Variants in SPON2 observed in about 807,000 individuals in gnomAD.
SPON2 encodes the protein spondin-2.
In SPON2, 32 loss-of-function variants were observed where a neutral mutation model predicts 29.9. That is an observed-to-expected ratio of 1.07 (90% confidence interval 0.81 to 1.44). SPON2 has a LOEUF of 1.44. Ranked by LOEUF, SPON2 falls within the 40% of genes most tolerant of loss-of-function variation. The pLI is 0.00. For synonymous variants in SPON2, 248 were observed against 209.1 expected, an observed-to-expected ratio of 1.19 and a Z score of -1.61; for missense variants, 541 against 455.5, an observed-to-expected ratio of 1.19 and a Z score of -1.71.
At position 1,202,067 on chromosome 4, in the gene SPON2, C is replaced by T. The variant is rs1463335553; in HGVS notation, c.-234+5813G>A. Among the ~76,000 whole-genome samples, 3 of 152,240 alleles carry T rather than the reference C, an allele frequency of 2.0e-5. No individual in the cohort carries two copies. The highest frequency in any genetic ancestry group is 2.0e-4 in the Admixed American group (3 of 15,290). Reference sequence around the variant, plus strand: ...TCTCACTCCGGAACACGTTCATCATCCGCAGAAGACGTCCTGTGCCTGTTA... The same window carrying T: ...TCTCACTCCGGAACACGTTCATCATTCGCAGAAGACGTCCTGTGCCTGTTA... On this transcript the variant is annotated intron_variant, in intron 1 of 3. Coordinates refer to the SPON2 transcript ENST00000509233. This position sits in a 1 kb window ranked among gnomAD's most constrained non-coding sequence, Gnocchi z 5.4.
chr4:1,188,952 C>T (rs2127909), intron 1 of SPON2, among the ~76,000 whole-genome samples: 145,776 of 152,256 alleles, frequency 0.96, 70,102 homozygotes, highest in East Asian at 1. Context: ...TAAATCTCAA[C>T]AAATTTAAAA....
chr4:1,167,841 G>A (rs1340655727), intron 5 of SPON2, 185 bp from the exon 6 acceptor site: 8 of 559,296 alleles, frequency 1.4e-5, no homozygotes, highest in Non-Finnish European at 2.1e-5. Flanking sequence ...AGCAACCTCG[G>A]ACACAACCTA....
At chr4:1,170,944 C>T (rs1420126999) in intron 4 of SPON2, 55 bp downstream of exon 4, 3 of 1,542,944 alleles carry the variant, frequency 1.9e-6, no homozygotes, top group Admixed American at 4.0e-5. Flanking sequence ...GGCCCCAGCC[C>T]CGTCCCCACC....
upstream of SPON2, among the ~76,000 whole-genome samples, chr4:1,175,479 G>A (rs1053745396): frequency 6.6e-6 from 1 of 152,196 alleles, no homozygotes; most frequent in Non-Finnish European, 1.5e-5. Flanking sequence ...CCCAGGCTGG[G>A]GGGTCTCCAG....
intron 4 of SPON2, 90 bp from the exon 5 acceptor site, chr4:1,170,666 C>T: frequency 7.1e-7 from 1 of 1,415,584 alleles, no homozygotes; most frequent in Non-Finnish European, 9.8e-7. Context: ...TGCCCAGCGT[C>T]CAGCGTGCCC....
At chr4:1,195,567 G>T (rs2108674506), upstream of SPON2, among the ~76,000 whole-genome samples, 1 of 152,216 alleles carries the variant, frequency 6.6e-6, no homozygotes, top group Non-Finnish European at 1.5e-5. Flanking sequence ...GGTAGGCACT[G>T]CCGCAGCCCC....
At chr4:1,200,775 A>C (rs1576999676) in intron 1 of SPON2, 1 of 455,518 alleles carries the variant, frequency 2.2e-6, no homozygotes, top group African/African-American at 2.0e-5. Context: ...GCAGCCCCCC[A>C]CCCCTCTGGT....
rs558903338 is a variant in SPON2, at chr4:1,202,719, G to A, written c.-234+5161C>T. Among the ~76,000 whole-genome samples the A allele has an allele frequency of 2.6e-5, 4 of 152,264 alleles. No homozygotes were observed. Among genetic ancestry groups the A allele is most frequent in the East Asian group, 1.9e-4 (1 of 5,172 alleles). ...TGGGCATAGCCTCGGTGGGGACTCC[G>A]AGGCAGCTCCAACCCCACGATGAGC... On this transcript the variant is annotated intron_variant, in intron 1 of 3. Coordinates refer to the SPON2 transcript ENST00000509233. This position sits in a 1 kb window ranked among gnomAD's most constrained non-coding sequence, Gnocchi z 5.4.
chr4:1,168,973 C>T (rs968041653), intron 5 of SPON2, among the ~76,000 whole-genome samples: 6 of 152,180 alleles, frequency 3.9e-5, no homozygotes, highest in Admixed American at 3.3e-4. Flanking sequence ...GTCTGTGCTC[C>T]GTCCCCACTG....
chr4:1,192,449 C>T lies in SPON2; in HGVS notation c.-239+2541G>A, dbSNP rs186139655. 8.5e-5 allele frequency among the ~76,000 whole-genome samples: 13 copies of T among 152,318 alleles called. No homozygotes were observed. In the East Asian group the frequency reaches 2.1e-3, roughly 25 times the overall value. On this transcript the variant is annotated intron_variant, in intron 1 of 3. Coordinates refer to the SPON2 transcript ENST00000502483. The stretch of plus-strand genomic sequence containing the variant: ...GTTTCCTACTCTCAATCTCTTGACA[C>T]GATGGTAAAGCCCTTTGCTGTAGCT...
rs1330532985 is a variant in SPON2, at chr4:1,171,934, G to A, written c.138C>T (p.Thr46=). The A allele has an allele frequency of 1.2e-6, 2 of 1,612,794 alleles. No homozygotes were observed. Among genetic ancestry groups the A allele is most frequent in the East Asian group, 4.5e-5 (2 of 44,878 alleles). ...SARALAKYSI[T]FTGKWSQTAF... ...CCGTCTGGCTCCACTTGCCCGTGAA[G>A]GTGATGCTGTATTTGGCCAGGGCTC... Residue 46 remains threonine, a synonymous_variant, in exon 2 of 6, where the codon ACC becomes ACT. Transcript: ENST00000290902.
intron 1 of SPON2, among the ~76,000 whole-genome samples, chr4:1,181,628 T>C (rs1727702425): frequency 1.3e-5 from 2 of 152,198 alleles, no homozygotes; most frequent in South Asian, 4.1e-4. Flanking sequence ...GGAGTAGGTT[T>C]GGAGGCAAAA....
intron 5 of SPON2, among the ~76,000 whole-genome samples, chr4:1,169,247 C>T (rs920906088): frequency 7.9e-5 from 12 of 152,118 alleles, no homozygotes; most frequent in East Asian, 5.8e-4. Flanking sequence ...GGGCTCTTCC[C>T]GCCAGACCAG....
In SPON2 at chr4:1,202,790, GGT is replaced by G. The variant is rs1440854168; in HGVS notation, c.-234+5088_-234+5089del. 6.6e-6 allele frequency among the ~76,000 whole-genome samples: 1 copy of G among 152,124 alleles called. No individual in the cohort carries two copies. Among genetic ancestry groups the G allele is most frequent in the Non-Finnish European group, 1.5e-5 (1 of 68,008 alleles). Reference sequence around the variant, plus strand: ...TGTCAGCAACATGCTTTGAAATCTGGGTGCAGGCCACCATCGCCTGCAGTGTC... The same window carrying G: ...TGTCAGCAACATGCTTTGAAATCTGGGCAGGCCACCATCGCCTGCAGTGTC... On this transcript the variant is annotated intron_variant, in intron 1 of 3. Transcript: ENST00000509233. The surrounding 1 kb of genome is among the most constrained non-coding windows in gnomAD (Gnocchi z 5.4).
intron 1 of SPON2, among the ~76,000 whole-genome samples, chr4:1,188,218 A>AG (rs1290331752): frequency 1.3e-5 from 2 of 150,968 alleles, no homozygotes; most frequent in Non-Finnish European, 3.0e-5. Flanking sequence ...AAAAAAAAAA[A>AG]AAAAAAAAGA....
At chr4:1,208,261 C>T (rs1728395996), upstream of SPON2, 1 of 152,280 alleles carries the variant, frequency 6.6e-6, no homozygotes, top group African/African-American at 2.4e-5. Flanking sequence ...GTTCTGGGCC[C>T]ACAGTGGGGA....
At chr4:1,197,139 G>C (rs907589176), upstream of SPON2, 1 of 152,236 alleles carries the variant, frequency 6.6e-6, no homozygotes, top group Non-Finnish European at 1.5e-5. Flanking sequence ...AGGTCTAGTG[G>C]CAACAGAAAA....
chr4:1,174,953 G>A (rs1227516010), upstream of SPON2, among the ~76,000 whole-genome samples: 1 of 152,216 alleles, frequency 6.6e-6, no homozygotes, highest in African/African-American at 2.4e-5. Context: ...TCAGAGCATG[G>A]GAGCAAAAGG....
intron 1 of SPON2, 174 bp downstream of exon 1, chr4:1,172,370 C>A (rs1406897370): frequency 3.8e-6 from 2 of 523,296 alleles, no homozygotes; most frequent in Non-Finnish European, 6.9e-6. Context: ...ATGCCTTCGC[C>A]GTCGCAGGGA....
Sources: allele counts gnomAD v4.1 joint callset (sites outside exome capture counted in the v4.1 genomes callset), GRCh38; gene constraint gnomAD v4.1.1; non-coding constraint Gnocchi (gnomAD v3.1); transcripts MANE v1.5; gene names NCBI Gene and HGNC (gene_info 2026-07-23, HGNC 2026-07-21).